LIN9: variants seen among roughly 807,000 people sequenced by gnomAD.
The protein encoded by LIN9 is protein lin-9 homolog.
A neutral mutation model predicts 78.0 loss-of-function variants in LIN9; 18 were observed. That is an observed-to-expected ratio of 0.23 (90% CI 0.16 to 0.34). LIN9 has a LOEUF of 0.34. Among genes scored for constraint, LIN9 ranks in the 10% least tolerant of loss-of-function variants. LIN9 has a pLI of 1.00. For synonymous variants in LIN9, 192 were observed against 215.2 expected, an observed-to-expected ratio of 0.89 and a Z score of 0.94; for missense variants, 451 against 644.1, an observed-to-expected ratio of 0.70 and a Z score of 3.25.
intron 1 of LIN9, among the ~76,000 whole-genome samples, chr1:226,306,178 A>T (rs1662904509): frequency 6.6e-6 from 1 of 152,086 alleles, no homozygotes; most frequent in Non-Finnish European, 1.5e-5. Flanking sequence ...TACAAGAATT[A>T]GCCAGGTGTG....
At position 226,233,442 on chromosome 1, in the gene LIN9, C is replaced by T; in HGVS notation, c.1327G>A (p.Val443Ile). 2 of 1,614,160 alleles carry T rather than the reference C, an allele frequency of 1.2e-6. No individual in the cohort carries two copies. Among genetic ancestry groups the T allele is most frequent in the Non-Finnish European group, 1.7e-6 (2 of 1,180,022 alleles). Residue 443 changes from valine (V) to isoleucine (I), a missense_variant, in exon 13 of 15, where the codon GTT becomes ATT. Physicochemically the swap from Val to Ile is conservative, Grantham distance 29 (BLOSUM62 3). Transcript: ENST00000681046. ...CCTGTTGAGGAATTTGCATGCCGAA[C>T]AATTTCCTGTGCTTCTTCCTCACAC... The part of the protein sequence containing the change: ...RRCEEEAQEI[V>I]RHANSSTGQP...
chr1:226,251,039 T>C, intron 10 of LIN9, 120 bp from the exon 11 acceptor site: 1 of 567,960 alleles, frequency 1.8e-6, no homozygotes, highest in African/African-American at 1.9e-5. Context: ...TTTCAACATA[T>C]ATATATAGCA....
chr1:226,240,508 CCTCT>C (rs1658044343), intron 11 of LIN9, among the ~76,000 whole-genome samples: 1 of 151,990 alleles, frequency 6.6e-6, no homozygotes, highest in Non-Finnish European at 1.5e-5. Flanking sequence ...TCTGCCTCAG[CCTCT>C]CAAGTAGGTG....
chr1:226,238,983 C>T lies in LIN9; in HGVS notation c.1233G>A (p.Gln411=). The change falls in exon 12 of 15, where the codon CAG becomes CAA. Residue 411 remains glutamine, a synonymous_variant. Coordinates refer to ENST00000681046, the MANE Select transcript of LIN9 (RefSeq NM_001366245.2). ...DLNKVLHKVQ[Q]YCYELAPDQG... is the part of the protein sequence containing the mutation. ...ACATATCACTTACCTCATAGCAATA[C>T]TGTTGAACTTTATGCAAAACTTTGT... The T allele has an allele frequency of 6.2e-7, 1 of 1,613,578 alleles. No individual in the cohort carries two copies. Among genetic ancestry groups the T allele is most frequent in the Non-Finnish European group, 8.5e-7 (1 of 1,179,758 alleles).
At chr1:226,305,315 G>GAAAAAAAAAA (rs111859953) in intron 1 of LIN9, among the ~76,000 whole-genome samples, 93 of 77,412 alleles carry the variant, frequency 1.2e-3, no homozygotes, top group Non-Finnish European at 1.5e-3. Context: ...ACAAAAAAAA[G>GAAAAAAAAAA]AAAAAAAAAA....
At chr1:226,247,970 G>A (rs1176325143) in intron 11 of LIN9, among the ~76,000 whole-genome samples, 1 of 152,128 alleles carries the variant, frequency 6.6e-6, no homozygotes, top group Admixed American at 6.5e-5. Flanking sequence ...CACTGTGCCA[G>A]GCCTTCTTAA....
At chr1:226,273,577 T>C (rs1191028008) in intron 7 of LIN9, among the ~76,000 whole-genome samples, 2 of 152,138 alleles carry the variant, frequency 1.3e-5, no homozygotes, top group Non-Finnish European at 2.9e-5. Flanking sequence ...AATTCTCTTT[T>C]GACTTTTTAA....
intron 11 of LIN9, among the ~76,000 whole-genome samples, chr1:226,241,872 A>G (rs1658138524): frequency 6.6e-6 from 1 of 152,066 alleles, no homozygotes; most frequent in South Asian, 2.1e-4. Flanking sequence ...AAAAAAAAGA[A>G]AAGGGGGTGA....
intron 2 of LIN9, among the ~76,000 whole-genome samples, chr1:226,299,241 C>T (rs1254718013): frequency 6.6e-6 from 1 of 151,940 alleles, no homozygotes; most frequent in East Asian, 1.9e-4. Context: ...CAGTGGCTCA[C>T]ATCTGTAATC....
At chr1:226,295,541 T>A (rs1237613589) in intron 4 of LIN9, among the ~76,000 whole-genome samples, 1 of 152,022 alleles carries the variant, frequency 6.6e-6, no homozygotes, top group Non-Finnish European at 1.5e-5. Flanking sequence ...GGTGATCAAG[T>A]AAAACATTTT....
intron 7 of LIN9, among the ~76,000 whole-genome samples, chr1:226,273,256 A>ATTTTTT (rs34679926): frequency 1.1e-4 from 10 of 87,254 alleles, no homozygotes; most frequent in East Asian, 3.2e-4. Context: ...TAATTAGGTA[A>ATTTTTT]TTTTTTTTTT....
intron 4 of LIN9, among the ~76,000 whole-genome samples, chr1:226,292,836 C>T (rs890501225): frequency 6.6e-6 from 1 of 152,242 alleles, no homozygotes; most frequent in Non-Finnish European, 1.5e-5. Flanking sequence ...TGGAGACAGG[C>T]TGCCTGACTG....
intron 6 of LIN9, among the ~76,000 whole-genome samples, chr1:226,284,339 A>G (rs1314233213): frequency 6.6e-6 from 1 of 152,186 alleles, no homozygotes; most frequent in African/African-American, 2.4e-5. Context: ...TGCTCTTTAA[A>G]GTGGAATCTC....
chr1:226,308,690 C>G (rs1663079859), intron 1 of LIN9: 1 of 153,476 alleles, frequency 6.5e-6, no homozygotes, highest in Admixed American at 6.5e-5. Context: ...AGCCCGAGCC[C>G]TCCCCCGGCC....
intron 6 of LIN9, among the ~76,000 whole-genome samples, chr1:226,285,577 T>G (rs1346313485): frequency 6.6e-6 from 1 of 152,190 alleles, no homozygotes; most frequent in African/African-American, 2.4e-5. Context: ...GAACTAATGA[T>G]CTAATTATTC....
chr1:226,278,173 T>C (rs976016718), intron 6 of LIN9, among the ~76,000 whole-genome samples: 1 of 151,234 alleles, frequency 6.6e-6, no homozygotes, highest in Non-Finnish European at 1.5e-5. Context: ...TCACGCCTGT[T>C]ATCCCAGCAC....
chr1:226,277,749 A>G (rs773638673), intron 7 of LIN9, 26 bp downstream of exon 7: 4 of 1,590,498 alleles, frequency 2.5e-6, no homozygotes, highest in Non-Finnish European at 3.4e-6. Context: ...ACAAGTCAAA[A>G]GAGTAATTAG....
Position 226,255,717 on chromosome 1 carries a change from G to A in LIN9, c.1039-4798C>T, listed in dbSNP as rs535354937. On this transcript the variant is annotated intron_variant, in intron 10 of 14. Transcript: ENST00000681046. ...GCAAGCAAAGAGATGAAAATTTCTC[G>A]AGCTTGAGGATATATTATTTATTTT... 7.2e-4 allele frequency among the ~76,000 whole-genome samples: 109 copies of A among 152,174 alleles called. 1 individual carries two copies. Among genetic ancestry groups the A allele is most frequent in the African/African-American group, 2.5e-3 (104 of 41,520 alleles).
intron 10 of LIN9, 129 bp from the exon 11 acceptor site, chr1:226,251,048 CATAG>C: frequency 1.9e-6 from 1 of 516,380 alleles, no homozygotes. Context: ...ATATATATAG[CATAG>C]CATTGTTTTG....
Sources: gnomAD v4.1 joint callset for allele counts (sites outside exome capture counted in the v4.1 genomes callset) on GRCh38, gnomAD v4.1.1 for gene constraint, MANE v1.5 for transcripts, NCBI Gene and HGNC (gene_info 2026-07-23, HGNC 2026-07-21) for gene names.